Variants in ARHGAP42 observed in about 807,000 individuals in gnomAD.
ARHGAP42 encodes the protein Rho GTPase activating protein 42.
A neutral mutation model predicts 125.0 loss-of-function variants in ARHGAP42; 63 were observed. The observed-to-expected ratio is 0.50, with a 90% CI of 0.41 to 0.62. ARHGAP42 has a LOEUF of 0.62. Among genes scored for constraint, ARHGAP42 ranks in the 20% least tolerant of loss-of-function variants. ARHGAP42 has a pLI of 0.00. For missense variants in ARHGAP42, 766 were observed against 1,024.2 expected, an observed-to-expected ratio of 0.75 and a Z score of 3.44; for synonymous variants, 339 against 351.0, an observed-to-expected ratio of 0.97 and a Z score of 0.38.
intron 6 of ARHGAP42, among the ~76,000 whole-genome samples, chr11:100,932,586 T>C (rs1159936143): frequency 6.6e-6 from 1 of 152,212 alleles, no homozygotes; most frequent in African/African-American, 2.4e-5. Context: ...ATGAAAAACC[T>C]GTGTTATCTA....
At chr11:100,783,628 T>A (rs76265036) in intron 2 of ARHGAP42, among the ~76,000 whole-genome samples, 3,904 of 152,294 alleles carry the variant, frequency 0.026, 67 homozygotes, top group Non-Finnish European at 0.033. Context: ...ACCTGGTCAT[T>A]TCTTGCCACT....
intron 4 of ARHGAP42, among the ~76,000 whole-genome samples, chr11:100,880,866 CAT>C (rs1865943548): frequency 6.6e-6 from 1 of 152,086 alleles, no homozygotes; most frequent in South Asian, 2.1e-4. Context: ...AGCATTTTTT[CAT>C]ATGTTTGTTG....
intron 1 of ARHGAP42, among the ~76,000 whole-genome samples, chr11:100,768,421 C>T (rs1862884962): frequency 6.6e-6 from 1 of 152,090 alleles, no homozygotes; most frequent in South Asian, 2.1e-4. Flanking sequence ...TAGTAGAATC[C>T]TTGCTAAAAC....
At chr11:100,896,787 G>T (rs1266524913) in intron 4 of ARHGAP42, among the ~76,000 whole-genome samples, 1 of 152,070 alleles carries the variant, frequency 6.6e-6, no homozygotes, top group African/African-American at 2.4e-5. Flanking sequence ...CATTCTGTAG[G>T]TTGCCTGTTC....
chr11:100,869,402 C>CCT (rs1865648006), intron 4 of ARHGAP42, among the ~76,000 whole-genome samples: 1 of 127,916 alleles, frequency 7.8e-6, no homozygotes, highest in Non-Finnish European at 1.8e-5. Flanking sequence ...GTAAATCTTT[C>CCT]CTCTTTTTTT....
At chr11:100,858,376 T>C (rs533102726) in intron 3 of ARHGAP42, among the ~76,000 whole-genome samples, 4 of 152,184 alleles carry the variant, frequency 2.6e-5, no homozygotes, top group African/African-American at 9.6e-5. Flanking sequence ...GCATAGGATT[T>C]TGGTCTTCTT....
chr11:100,836,423 T>A (rs1311175360), intron 3 of ARHGAP42, among the ~76,000 whole-genome samples: 1 of 152,126 alleles, frequency 6.6e-6, no homozygotes, highest in African/African-American at 2.4e-5. Flanking sequence ...AGATGAAATG[T>A]CAATTTCTAG....
chr11:100,745,795 A>G (rs548593273), intron 1 of ARHGAP42, among the ~76,000 whole-genome samples: 5 of 152,346 alleles, frequency 3.3e-5, no homozygotes, highest in Admixed American at 2.0e-4. Flanking sequence ...CTTTAATAGC[A>G]TCTCTAGTGT....
chr11:100,941,761 A>T (rs1867893423), intron 8 of ARHGAP42, 23 bp from the exon 9 acceptor site: 19 of 1,422,466 alleles, frequency 1.3e-5, no homozygotes, highest in Middle Eastern at 1.8e-4. Flanking sequence ...AAAATCTGAA[A>T]TTTTTTTGTT....
At chr11:100,691,312 C>G (rs75071143) in intron 1 of ARHGAP42, among the ~76,000 whole-genome samples, 8 of 149,896 alleles carry the variant, frequency 5.3e-5, no homozygotes, top group Non-Finnish European at 5.9e-5. Flanking sequence ...TTTTTTTTTC[C>G]TTTTAGGAAT....
rs181769809 is a variant in ARHGAP42 at position 100,946,501 on chromosome 11, G to C, written c.1044-1956G>C. Among the ~76,000 whole-genome samples, 538 of 152,156 alleles carry C rather than the reference G, an allele frequency of 3.5e-3. 3 individuals carry two copies. Among genetic ancestry groups the C allele is most frequent in the African/African-American group, 0.012 (519 of 41,532 alleles). On this transcript the variant is annotated intron_variant, in intron 10 of 23. Transcript: ENST00000298815. ...TTATAGCTTTTGATTTAACATGAGA[G>C]ACATGTGAATCTTCCTTTCCCTTGA...
chr11:100,939,613 G>A (rs2135269752), intron 8 of ARHGAP42, among the ~76,000 whole-genome samples: 2 of 152,172 alleles, frequency 1.3e-5, no homozygotes, highest in South Asian at 4.1e-4. Context: ...TTCCCCTTCC[G>A]CACTGCAAAT....
chr11:100,966,580 A>T (rs1047630240), intron 17 of ARHGAP42, among the ~76,000 whole-genome samples: 1 of 152,158 alleles, frequency 6.6e-6, no homozygotes, highest in Non-Finnish European at 1.5e-5. Flanking sequence ...AATCTACTCT[A>T]CTTAAAGACT....
At chr11:100,759,002 T>G (rs1862639351) in intron 1 of ARHGAP42, among the ~76,000 whole-genome samples, 1 of 152,130 alleles carries the variant, frequency 6.6e-6, no homozygotes, top group Non-Finnish European at 1.5e-5. Context: ...TTAGTGTTTT[T>G]TTGTTTGTTT....
rs1003398830 is a variant in ARHGAP42, at chr11:100,688,018, T to G, written c.154+186T>G. 3.5e-5 allele frequency: 20 copies of G among 566,206 alleles called. No individual in the cohort carries two copies. The African/African-American group carries it at 3.6e-4, about 10-fold the overall frequency. The allele number at this position is 566,206 out of a possible 1,614,324, so 35.1% of individuals were successfully genotyped here. A position where few individuals can be genotyped will look rare whatever the true frequency, so the allele number is the denominator to read the frequency against. ...TTGAGGTGTTCTTTACTTACTCACATGTCTACAGGGATGGGGAAAGTTCTC... is the reference window on the plus strand; with the variant it reads ...TTGAGGTGTTCTTTACTTACTCACAGGTCTACAGGGATGGGGAAAGTTCTC... On this transcript the variant is annotated intron_variant, in intron 1 of 23. Coordinates refer to ENST00000298815, the MANE Select transcript of ARHGAP42 (RefSeq NM_152432.4).
In ARHGAP42 at chr11:100,859,574, A is replaced by G. The variant is rs1212838361; in HGVS notation, c.333A>G (p.Val111=). The stretch of plus-strand genomic sequence containing the variant: ...TTCAGATCCAAAACGCTAACGATGT[A>G]TTAATTGCACCACTTGAGAAATTTC... The part of the protein sequence containing the change: ...RRRLIQNAND[V]LIAPLEKFRK... Residue 111 remains valine (V), a synonymous_variant, in exon 4 of 24, where the codon GTA becomes GTG. Transcript: ENST00000298815. 2 of 1,522,496 alleles carry G rather than the reference A, an allele frequency of 1.3e-6. No homozygotes were observed. The highest frequency in any genetic ancestry group is 1.8e-6 in the Non-Finnish European group (2 of 1,136,184). The allele number at this position is 1,522,496 out of a possible 1,614,324, so 94.3% of individuals were successfully genotyped here.
chr11:100,760,824 A>G (rs1412950763), intron 1 of ARHGAP42, among the ~76,000 whole-genome samples: 2 of 152,190 alleles, frequency 1.3e-5, no homozygotes, highest in African/African-American at 2.4e-5. Context: ...TGTGACATGA[A>G]AGATAAGGTA....
chr11:100,919,638 G>A (rs904057603), intron 5 of ARHGAP42, among the ~76,000 whole-genome samples: 5 of 151,922 alleles, frequency 3.3e-5, no homozygotes, highest in Admixed American at 6.6e-5. Flanking sequence ...CTGAGCTCAA[G>A]CAGTCCTCCC....
At chr11:100,795,317 C>T (rs959421555) in intron 3 of ARHGAP42, among the ~76,000 whole-genome samples, 151 bp downstream of exon 3, 16 of 152,152 alleles carry the variant, frequency 1.1e-4, no homozygotes, top group African/African-American at 3.9e-4. Flanking sequence ...AGATTTGTGA[C>T]TATAATTATC....
Sources: gnomAD v4.1 joint callset for allele counts (sites outside exome capture counted in the v4.1 genomes callset) on GRCh38, gnomAD v4.1.1 for gene constraint, MANE v1.5 for transcripts, NCBI Gene and HGNC (gene_info 2026-07-23, HGNC 2026-07-21) for gene names.